Variants in TET3 observed in about 807,000 individuals in gnomAD.
The protein encoded by TET3 is methylcytosine dioxygenase TET3.
TET3 carries 19 observed loss-of-function variants against 141.4 expected under a neutral mutation model. The observed-to-expected ratio is 0.13, with a 90% CI of 0.09 to 0.20. TET3 has a LOEUF of 0.20. Ranked by LOEUF, TET3 falls within the 10% of genes least tolerant of loss-of-function variation. TET3 has a pLI of 1.00. For synonymous variants in TET3, 1,043 were observed against 980.9 expected, an observed-to-expected ratio of 1.06 and a Z score of -1.18; for missense variants, 1,874 against 2,356.9, an observed-to-expected ratio of 0.80 and a Z score of 4.24.
the TET3 span, among the ~76,000 whole-genome samples, chr2:74,118,333 T>C: frequency 6.6e-6 from 1 of 152,198 alleles, no homozygotes; most frequent in East Asian, 1.9e-4. Context: ...TTGCTTGATA[T>C]GTACCATGGA....
At chr2:74,123,603 G>C in the TET3 span, among the ~76,000 whole-genome samples, 2 of 152,082 alleles carry the variant, frequency 1.3e-5, no homozygotes, top group Non-Finnish European at 2.9e-5. Context: ...ATCTCGGCTC[G>C]CTACAACCTC....
chr2:73,987,898 A>G (rs1433124652), intron 2 of TET3, among the ~76,000 whole-genome samples: 1 of 152,218 alleles, frequency 6.6e-6, no homozygotes, highest in Non-Finnish European at 1.5e-5. Flanking sequence ...AGAGCCTCAC[A>G]GCGAGCTGGT....
At chr2:74,080,662 T>A in intron 6 of TET3, 71 bp downstream of exon 6, 1 of 1,070,052 alleles carries the variant, frequency 9.3e-7, no homozygotes, top group Non-Finnish European at 1.3e-6. Context: ...CGGCTGTGCC[T>A]GGTTCCCCTT....
At chr2:74,086,063 G>A (rs1156748076) in intron 6 of TET3, among the ~76,000 whole-genome samples, 1 of 152,208 alleles carries the variant, frequency 6.6e-6, no homozygotes, top group East Asian at 1.9e-4. Context: ...TCTAAAGCAT[G>A]AAACTCTTTA....
chr2:74,096,954 G>C (rs1156365186), intron 10 of TET3, among the ~76,000 whole-genome samples: 1 of 151,372 alleles, frequency 6.6e-6, no homozygotes, highest in East Asian at 1.9e-4. Flanking sequence ...TTTGCTGGGC[G>C]TGGTTGTGCA....
chr2:74,065,097 T>G (rs1002374014), intron 4 of TET3, among the ~76,000 whole-genome samples: 6 of 152,224 alleles, frequency 3.9e-5, no homozygotes, highest in Non-Finnish European at 7.3e-5. Flanking sequence ...GTCTAAAAGC[T>G]TTTTCAATGA....
chr2:74,093,585 C>G lies in TET3; in HGVS notation c.3186C>G (p.Pro1062=). The G allele has an allele frequency of 6.2e-7, 1 of 1,613,670 alleles. No homozygotes were observed. The highest frequency in any genetic ancestry group is 8.5e-7 in the Non-Finnish European group (1 of 1,179,748). Residue 1062 remains proline (P), a synonymous_variant, in exon 10 of 12, where the codon CCC becomes CCG. Transcript: ENST00000409262. The surrounding 1 kb of genome is among the most constrained non-coding windows in gnomAD (Gnocchi z 4.2). ...DCRLGLKEGR[P]FAGVTACMDF... The stretch of plus-strand genomic sequence containing the variant: ...GTCTGGGGCTGAAGGAAGGACGGCC[C>G]TTCGCGGGGGTCACGGCCTGCATGG...
At position 74,003,013 on chromosome 2, in the gene TET3, T is replaced by C. The variant is rs1487010308; in HGVS notation, c.304-97T>C. 4.3e-6 allele frequency: 6 copies of C among 1,384,430 alleles called. No homozygotes were observed. In the Admixed American group the frequency reaches 9.9e-5, roughly 23 times the overall value. 85.8% of individuals were successfully genotyped at this position (1,384,430 alleles called of 1,614,324 possible). A position where few individuals can be genotyped will look rare whatever the true frequency, so the allele number is the denominator to read the frequency against. On this transcript the variant is annotated intron_variant, in intron 2 of 11. Coordinates refer to ENST00000409262, the MANE Select transcript of TET3 (RefSeq NM_001287491.2). ...CAGGCTGTATCCCCTCCCGTTCGCC[T>C]TCTTCCCCTCCGGCCGGGCTGGGGG...
At chr2:74,032,487 G>GCGCGCGCGCGCGCGCGA (rs1558730116) in intron 3 of TET3, among the ~76,000 whole-genome samples, 4 of 150,458 alleles carry the variant, frequency 2.7e-5, no homozygotes, top group African/African-American at 9.8e-5. Flanking sequence ...GTGTGTGTGT[G>GCGCGCGCGCGCGCGCGA]TGTGTGTGTG....
rs758173533 is a variant in TET3, at chr2:74,046,406, T to C, written c.489T>C (p.Ala163=). The change falls in exon 4 of 12, where the codon GCT becomes GCC. Residue 163 remains alanine (A), a synonymous_variant. Transcript: ENST00000409262. This position sits in a 1 kb window ranked among gnomAD's most constrained non-coding sequence, Gnocchi z 4.3. ...CGGTCAATGGTGCTAGAGAGCCCGC[T>C]GGACCCAGTCTGCTGGGGACTGGGG... ...GVPVNGAREP[A]GPSLLGTGGP... 6.3e-7 allele frequency: 1 copy of C among 1,576,390 alleles called. No individual in the cohort carries two copies. Among genetic ancestry groups the C allele is most frequent in the Non-Finnish European group, 8.6e-7 (1 of 1,162,344 alleles).
rs528855910 is a variant in TET3 at position 74,061,126 on chromosome 2, G to A, written c.2495-12423G>A. Among the ~76,000 whole-genome samples the A allele has an allele frequency of 6.7e-5, 10 of 148,504 alleles. No individual in the cohort carries two copies. The South Asian group carries it at 1.8e-3, about 26-fold the overall frequency. On this transcript the variant is annotated intron_variant, in intron 4 of 11. Transcript: ENST00000409262. Reference sequence around the variant, plus strand: ...GCGCCCCTCACCTACCGGACGGGGCGGCCGGCCGGGCGGGGGGCTGACCCC... The same window carrying A: ...GCGCCCCTCACCTACCGGACGGGGCAGCCGGCCGGGCGGGGGGCTGACCCC...
intron 4 of TET3, among the ~76,000 whole-genome samples, chr2:74,053,743 A>G (rs1174954100): frequency 6.6e-6 from 1 of 152,252 alleles, no homozygotes; most frequent in African/African-American, 2.4e-5. Flanking sequence ...CAAATGGGAC[A>G]TAGTCCTGAA....
intron 3 of TET3, among the ~76,000 whole-genome samples, chr2:74,024,714 C>G (rs894931181): frequency 6.6e-6 from 1 of 152,030 alleles, no homozygotes; most frequent in Non-Finnish European, 1.5e-5. Flanking sequence ...GGAATGTTAC[C>G]TTTTCACAGA....
chr2:74,029,203 C>T (rs1425401930), intron 3 of TET3, among the ~76,000 whole-genome samples: 1 of 152,184 alleles, frequency 6.6e-6, no homozygotes, highest in Non-Finnish European at 1.5e-5. Flanking sequence ...TGAGTAAAAT[C>T]CTACCCCTAC....
At chr2:74,094,152 G>C (rs1690666816) in intron 10 of TET3, among the ~76,000 whole-genome samples, 2 of 152,302 alleles carry the variant, frequency 1.3e-5, no homozygotes, top group Non-Finnish European at 2.9e-5. Context: ...GTAGGGTGAG[G>C]GATAAAGCAA....
At chr2:74,123,881 G>T in the TET3 span, among the ~76,000 whole-genome samples, 1 of 149,516 alleles carries the variant, frequency 6.7e-6, no homozygotes, top group Non-Finnish European at 1.5e-5. Context: ...GCCCCGTCTG[G>T]GATGTGAGGA....
In TET3 at chr2:73,986,357, G is replaced by A. The variant is rs576338243; in HGVS notation, c.-47G>A. ...GTGGCCTTTGGAGGTGGCAGGAAAC[G>A]ACTGTGGTTCTGCCCCAGCACCTAT... On this transcript the variant is annotated 5_prime_UTR_variant, in exon 2 of 12. Transcript: ENST00000409262. 2 of 1,231,040 alleles carry A rather than the reference G, an allele frequency of 1.6e-6. No homozygotes were observed. Among genetic ancestry groups the A allele is most frequent in the East Asian group, 3.2e-5 (1 of 31,716 alleles). The allele number at this position is 1,231,040 out of a possible 1,614,324, so 76.3% of individuals were successfully genotyped here. A position where few individuals can be genotyped will look rare whatever the true frequency, so the allele number is the denominator to read the frequency against.
At chr2:74,002,705 G>C in intron 2 of TET3, 1 of 434,540 alleles carries the variant, frequency 2.3e-6, no homozygotes, top group East Asian at 3.5e-5. Flanking sequence ...GCCGGCAGCT[G>C]GCCGCCGCCT....
intron 3 of TET3, among the ~76,000 whole-genome samples, chr2:74,024,162 C>T (rs73948288): frequency 2.0e-5 from 3 of 152,290 alleles, no homozygotes; most frequent in African/African-American, 7.2e-5. Flanking sequence ...AGGAGACTTG[C>T]TTAGGATTTC....
Sources: allele counts gnomAD v4.1 joint callset (sites outside exome capture counted in the v4.1 genomes callset), GRCh38; gene constraint gnomAD v4.1.1; non-coding constraint Gnocchi (gnomAD v3.1); transcripts MANE v1.5; gene names NCBI Gene and HGNC (gene_info 2026-07-23, HGNC 2026-07-21).